Variants in PTPRD observed in about 807,000 individuals in gnomAD.
The protein encoded by PTPRD is receptor-type tyrosine-protein phosphatase delta.
A neutral mutation model predicts 214.5 loss-of-function variants in PTPRD; 34 were observed. The ratio of observed to expected loss-of-function variants is 0.16; its 90% CI spans 0.12 to 0.21. The LOEUF is 0.21. Ranked by LOEUF, PTPRD falls within the 10% of genes least tolerant of loss-of-function variation. The pLI is 1.00. For missense variants in PTPRD, 2,545 were observed against 2,398.7 expected, an observed-to-expected ratio of 1.06 and a Z score of -1.27; for synonymous variants, 1,128 against 845.7, an observed-to-expected ratio of 1.33 and a Z score of -5.79.
At chr9:9,454,528 G>A (rs145636078) in intron 8 of PTPRD, among the ~76,000 whole-genome samples, 7 of 151,824 alleles carry the variant, frequency 4.6e-5, no homozygotes, top group African/African-American at 7.2e-5. Context: ...CTACTGATCA[G>A]AAATTCAAGT....
intron 8 of PTPRD, among the ~76,000 whole-genome samples, chr9:9,560,090 T>C (rs2082522242): frequency 6.6e-6 from 1 of 152,308 alleles, no homozygotes; most frequent in South Asian, 2.1e-4. Flanking sequence ...CCACAGCAGG[T>C]ACTCTTTGAA....
At chr9:8,766,349 CAGTG>C (rs1373966141) in intron 11 of PTPRD, among the ~76,000 whole-genome samples, 2 of 152,020 alleles carry the variant, frequency 1.3e-5, no homozygotes, top group Non-Finnish European at 1.5e-5. Context: ...GTCCCAGTGT[CAGTG>C]AGTAAGTATG....
chr9:9,842,496 AAG>A (rs1366188139), intron 5 of PTPRD, among the ~76,000 whole-genome samples: 2 of 151,844 alleles, frequency 1.3e-5, no homozygotes, highest in Non-Finnish European at 2.9e-5. Context: ...AGAAGGAAGA[AAG>A]AGAGTGTGGG....
At chr9:9,494,899 C>T (rs2096097742) in intron 8 of PTPRD, among the ~76,000 whole-genome samples, 1 of 152,090 alleles carries the variant, frequency 6.6e-6, no homozygotes, top group South Asian at 2.1e-4. Flanking sequence ...ATTCACACTG[C>T]CTGATTTAAA....
chr9:8,859,726 G>A (rs1004815056), intron 11 of PTPRD, among the ~76,000 whole-genome samples: 1 of 147,856 alleles, frequency 6.8e-6, no homozygotes, highest in Admixed American at 6.8e-5. Flanking sequence ...GTAATCCTCT[G>A]CCCCCTATGT....
intron 5 of PTPRD, among the ~76,000 whole-genome samples, chr9:9,809,279 T>G (rs1474444076): frequency 6.6e-6 from 1 of 150,406 alleles, no homozygotes; most frequent in Non-Finnish European, 1.5e-5. Context: ...TTTTTTTTTT[T>G]TTTTTTCAGA....
intron 3 of PTPRD, among the ~76,000 whole-genome samples, chr9:10,166,207 G>T (rs998330219): frequency 1.4e-5 from 2 of 141,236 alleles, no homozygotes; most frequent in African/African-American, 2.6e-5. Flanking sequence ...AATTTTGATT[G>T]TTAGAGATAC....
At chr9:10,481,770 G>C (rs1589147783) in intron 2 of PTPRD, among the ~76,000 whole-genome samples, 1 of 152,116 alleles carries the variant, frequency 6.6e-6, no homozygotes, top group South Asian at 2.1e-4. Context: ...AGAATATAGA[G>C]ACAAAACCGA....
chr9:10,027,624 T>A (rs1567173819), intron 4 of PTPRD, among the ~76,000 whole-genome samples: 1 of 152,244 alleles, frequency 6.6e-6, no homozygotes, highest in Non-Finnish European at 1.5e-5. Flanking sequence ...CATAAGGTTA[T>A]TCTCCTTTAT....
intron 3 of PTPRD, among the ~76,000 whole-genome samples, chr9:10,320,664 T>A (rs2096537207): frequency 6.6e-6 from 1 of 152,050 alleles, no homozygotes; most frequent in Non-Finnish European, 1.5e-5. Context: ...TTTCTCTTTA[T>A]CAGTTCTTAG....
At chr9:10,454,285 C>T (rs79319799) in intron 2 of PTPRD, among the ~76,000 whole-genome samples, 1,819 of 151,678 alleles carry the variant, frequency 0.012, 31 homozygotes, top group African/African-American at 0.039. Context: ...CTAGATATAA[C>T]TACCCTTCTC....
intron 7 of PTPRD, among the ~76,000 whole-genome samples, chr9:9,721,154 A>G (rs2097933523): frequency 7.3e-6 from 1 of 136,940 alleles, no homozygotes; most frequent in South Asian, 2.3e-4. Flanking sequence ...TAAATAAAAT[A>G]CTAAAGTGTG....
At chr9:9,130,819 G>A (rs1395911820) in intron 10 of PTPRD, among the ~76,000 whole-genome samples, 1 of 152,046 alleles carries the variant, frequency 6.6e-6, no homozygotes, top group Non-Finnish European at 1.5e-5. Context: ...TGGCCTCAGG[G>A]GTACCAGTTT....
intron 14 of PTPRD, among the ~76,000 whole-genome samples, chr9:8,594,923 C>T (rs1223622133): frequency 5.7e-5 from 8 of 139,560 alleles, no homozygotes; most frequent in South Asian, 2.3e-4. Flanking sequence ...AGTGCAGTGG[C>T]GCAAACTTGG....
intron 3 of PTPRD, among the ~76,000 whole-genome samples, chr9:10,050,559 C>CAAAAAAAAAAAAAAAAAAAAAAAAAAAA (rs1164243746): frequency 7.1e-5 from 1 of 13,998 alleles, no homozygotes; most frequent in Non-Finnish European, 1.5e-4. Flanking sequence ...GAGTCTGTCT[C>CAAAAAAAAAAAAAAAAAAAAAAAAAAAA]AAAAAAAAAA....
At chr9:8,507,892 G>T (rs2097574348) in intron 21 of PTPRD, among the ~76,000 whole-genome samples, 2 of 152,030 alleles carry the variant, frequency 1.3e-5, no homozygotes, top group Admixed American at 1.3e-4. Flanking sequence ...TTAAATTTAT[G>T]AAATCCTACC....
intron 11 of PTPRD, among the ~76,000 whole-genome samples, chr9:8,892,577 A>G (rs1029745919): frequency 3.3e-5 from 5 of 149,756 alleles, no homozygotes; most frequent in Non-Finnish European, 7.4e-5. Flanking sequence ...GTGTATATAT[A>G]TGTGTGTATA....
intron 11 of PTPRD, among the ~76,000 whole-genome samples, chr9:8,748,434 G>C (rs1031129146): frequency 6.8e-6 from 1 of 146,164 alleles, no homozygotes; most frequent in Non-Finnish European, 1.5e-5. Context: ...AGGCATTCGA[G>C]CCGGCAACAG....
In PTPRD at chr9:9,471,771, G is replaced by A. The variant is rs947054005; in HGVS notation, c.-236-74289C>T. On this transcript the variant is annotated intron_variant, in intron 8 of 45. Transcript: ENST00000381196. The stretch of plus-strand genomic sequence containing the variant: ...TTAGGCTAATTAGAATGCACTTTAG[G>A]CATTCACCCCCATTATATTTCATGC... Among the ~76,000 whole-genome samples the A allele has an allele frequency of 5.0e-5, 5 of 99,180 alleles. No individual in the cohort carries two copies. In the East Asian group the frequency reaches 1.1e-3, roughly 22 times the overall value. The allele number at this position is 99,180 out of a possible 152,430, so 65.1% of individuals were successfully genotyped here. A position where few individuals can be genotyped will look rare whatever the true frequency, so the allele number is the denominator to read the frequency against.
Sources: gnomAD v4.1 joint callset for allele counts (sites outside exome capture counted in the v4.1 genomes callset) on GRCh38, gnomAD v4.1.1 for gene constraint, MANE v1.5 for transcripts, NCBI Gene and HGNC (gene_info 2026-07-23, HGNC 2026-07-21) for gene names.